Variants in CACNA1E observed in about 807,000 individuals in gnomAD.
CACNA1E encodes the protein voltage-dependent R-type calcium channel subunit alpha-1E.
In CACNA1E, 40 loss-of-function variants were observed where a neutral mutation model predicts 259.2. The observed-to-expected ratio is 0.15, with a 90% CI of 0.12 to 0.20. The LOEUF (loss-of-function observed/expected upper bound fraction) is 0.20, where lower values mean the gene tolerates loss of function less well. Among genes scored for constraint, CACNA1E ranks in the 10% least tolerant of loss-of-function variants. The pLI is 1.00. For synonymous variants in CACNA1E, 1,104 were observed against 1,138.5 expected (o/e 0.97, Z 0.61); for missense variants, 1,874 against 3,040.1 (o/e 0.62, Z 9.02).
intron 25 of CACNA1E, among the ~76,000 whole-genome samples, chr1:181,746,283 C>T (rs1657076108): frequency 6.6e-6 from 1 of 152,180 alleles, no homozygotes; most frequent in Admixed American, 6.5e-5. Flanking sequence ...GAAACTTCCC[C>T]ATGGGGTCTT....
At chr1:181,744,437 G>A (rs928533913) in intron 25 of CACNA1E, among the ~76,000 whole-genome samples, 8 of 152,168 alleles carry the variant, frequency 5.3e-5, no homozygotes, top group South Asian at 4.1e-4. Flanking sequence ...CTCTGGTTCC[G>A]GATTTGCTTG....
intron 2 of CACNA1E, among the ~76,000 whole-genome samples, chr1:181,450,442 GTGTA>G (rs1426316100): frequency 5.3e-5 from 8 of 150,924 alleles, no homozygotes; most frequent in South Asian, 2.1e-4. Context: ...GTGTGTGTGT[GTGTA>G]TGTGTGTGTG....
chr1:181,582,048 A>G (rs948533067), intron 6 of CACNA1E, among the ~76,000 whole-genome samples: 3 of 152,238 alleles, frequency 2.0e-5, no homozygotes, highest in Non-Finnish European at 4.4e-5. Context: ...TAATGCCCAA[A>G]GAGCAAGGAT....
chr1:181,653,740 T>G (rs1039729042), intron 7 of CACNA1E, among the ~76,000 whole-genome samples: 2 of 152,238 alleles, frequency 1.3e-5, no homozygotes, highest in Non-Finnish European at 2.9e-5. Context: ...TTTAGGGTCA[T>G]TCTGATAAGC....
chr1:181,501,701 C>T (rs926693370), intron 1 of CACNA1E, among the ~76,000 whole-genome samples: 15 of 151,830 alleles, frequency 9.9e-5, no homozygotes, highest in African/African-American at 3.6e-4. Flanking sequence ...TTTCCATCTT[C>T]TTGACAGCAG....
At chr1:181,619,309 C>T (rs1182919561) in intron 6 of CACNA1E, among the ~76,000 whole-genome samples, 1 of 151,982 alleles carries the variant, frequency 6.6e-6, no homozygotes, top group East Asian at 1.9e-4. Context: ...GCCATATGGA[C>T]ATCTGGGGAA....
chr1:181,779,959 G>A (rs1660286202), intron 38 of CACNA1E, among the ~76,000 whole-genome samples: 1 of 152,124 alleles, frequency 6.6e-6, no homozygotes, highest in South Asian at 2.1e-4. Context: ...CACTGGAGAT[G>A]GAGAAGCCTC....
chr1:181,614,853 C>T (rs1655066667), intron 6 of CACNA1E, among the ~76,000 whole-genome samples: 1 of 152,122 alleles, frequency 6.6e-6, no homozygotes, highest in Non-Finnish European at 1.5e-5. Context: ...TTACACAGTT[C>T]TGTAAGTTTT....
chr1:181,379,296 T>TATTC (rs1655305098), intron 1 of CACNA1E, among the ~76,000 whole-genome samples: 1 of 151,910 alleles, frequency 6.6e-6, no homozygotes, highest in Non-Finnish European at 1.5e-5. Flanking sequence ...AAAAAATATT[T>TATTC]GAAGAAACAA....
intron 2 of CACNA1E, among the ~76,000 whole-genome samples, chr1:181,470,332 G>T (rs1662424246): frequency 2.0e-5 from 3 of 151,994 alleles, no homozygotes; most frequent in Admixed American, 2.0e-4. Flanking sequence ...GGGATTATAG[G>T]CATGTGCCAA....
rs896361324 is a variant in CACNA1E at position 181,654,301 on chromosome 1, T to C, written c.1055+2860T>C. ...GTAAAAATATAAGAATGTAATAAAA[T>C]ATAAAGGTAATACATATTTGGAATA... On this transcript the variant is annotated intron_variant, in intron 7 of 47. Coordinates refer to ENST00000367573, the MANE Select transcript of CACNA1E (RefSeq NM_001205293.3). Among the ~76,000 whole-genome samples, 4 of 151,434 alleles carry C rather than the reference T, an allele frequency of 2.6e-5. No homozygotes were observed. In the South Asian group the frequency reaches 8.3e-4, roughly 31 times the overall value.
chr1:181,509,238 G>T (rs1665970459), intron 1 of CACNA1E, among the ~76,000 whole-genome samples: 2 of 152,116 alleles, frequency 1.3e-5, no homozygotes, highest in Admixed American at 1.3e-4. Flanking sequence ...ACACTGCCTT[G>T]CCCTCCCCAG....
chr1:181,709,116 G>A lies in CACNA1E; in HGVS notation c.1056-1838G>A, dbSNP rs1009615442. 3.3e-5 allele frequency among the ~76,000 whole-genome samples: 5 copies of A among 152,204 alleles called. No homozygotes were observed. In the East Asian group the frequency reaches 9.6e-4, roughly 29 times the overall value. On this transcript the variant is annotated intron_variant, in intron 7 of 47. Coordinates refer to ENST00000367573, the MANE Select transcript of CACNA1E (RefSeq NM_001205293.3). Reference sequence around the variant, plus strand: ...ACAGGACAATGGTACTAACTGGACAGGAGGGATTGAAAGAAGCAAAAATCC... The same window carrying A: ...ACAGGACAATGGTACTAACTGGACAAGAGGGATTGAAAGAAGCAAAAATCC...
intron 1 of CACNA1E, among the ~76,000 whole-genome samples, chr1:181,380,963 T>C (rs641165): frequency 0.52 from 79,568 of 152,014 alleles, 22,379 homozygotes; most frequent in African/African-American, 0.74. Flanking sequence ...GTCGGGAGTT[T>C]GAGACCAGCC....
At chr1:181,689,639 C>T (rs911307852) in intron 7 of CACNA1E, among the ~76,000 whole-genome samples, 10 of 152,170 alleles carry the variant, frequency 6.6e-5, no homozygotes, top group Admixed American at 5.2e-4. Flanking sequence ...TCTCCAGCAC[C>T]TGTTGTTTCC....
At chr1:181,755,133 T>A (rs899575998) in intron 27 of CACNA1E, 104 bp from the exon 28 acceptor site, 6 of 845,216 alleles carry the variant, frequency 7.1e-6, no homozygotes, top group African/African-American at 6.8e-5. Context: ...CTGGGACAAC[T>A]TCTTGGTGGG....
chr1:181,730,418 A>G lies in CACNA1E; in HGVS notation c.2241-757A>G, dbSNP rs561305152. Among the ~76,000 whole-genome samples the G allele has an allele frequency of 1.6e-4, 24 of 152,366 alleles. No individual in the cohort carries two copies. The East Asian group carries it at 4.2e-3, about 27-fold the overall frequency. ...GCATCCTGTCTGTTTTTGCGGGAAC[A>G]GTTCATACGTTGCCATTCTAACCTT... On this transcript the variant is annotated intron_variant, in intron 18 of 47. Coordinates refer to ENST00000367573, the MANE Select transcript of CACNA1E (RefSeq NM_001205293.3).
intron 1 of CACNA1E, among the ~76,000 whole-genome samples, chr1:181,497,148 G>A (rs978915861): frequency 1.1e-4 from 16 of 152,164 alleles, no homozygotes; most frequent in African/African-American, 3.9e-4. Flanking sequence ...TATGGATAAG[G>A]ATGTTACATC....
chr1:181,652,871 G>A (rs1218925959), intron 7 of CACNA1E, among the ~76,000 whole-genome samples: 1 of 152,062 alleles, frequency 6.6e-6, no homozygotes, highest in African/African-American at 2.4e-5. Context: ...GTGTTGATAT[G>A]TTGTACTGAA....
Sources: allele counts gnomAD v4.1 joint callset (sites outside exome capture counted in the v4.1 genomes callset), GRCh38; gene constraint gnomAD v4.1.1; transcripts MANE v1.5; gene names NCBI Gene and HGNC (gene_info 2026-07-23, HGNC 2026-07-21).